VPS41: variants seen among roughly 807,000 people sequenced by gnomAD.
The protein encoded by VPS41 is VPS41 subunit of HOPS complex.
In VPS41, 85 loss-of-function variants were observed where a neutral mutation model predicts 130.9. The observed-to-expected ratio is 0.65, with a 90% CI of 0.55 to 0.78. VPS41 has a LOEUF of 0.78. Ranked by LOEUF, VPS41 falls within the 30% of genes least tolerant of loss-of-function variation. VPS41 has a pLI of 0.00. For synonymous variants in VPS41, 335 were observed against 332.9 expected, an observed-to-expected ratio of 1.01 and a Z score of -0.07; for missense variants, 874 against 1,018.7, an observed-to-expected ratio of 0.86 and a Z score of 1.93.
chr7:38,733,285 G>C (rs1007732489), intron 25 of VPS41, among the ~76,000 whole-genome samples: 3 of 152,138 alleles, frequency 2.0e-5, no homozygotes. Flanking sequence ...TATTTTCCTA[G>C]AAAATTGTAC....
intron 5 of VPS41, among the ~76,000 whole-genome samples, chr7:38,825,597 T>C (rs1426323081): frequency 6.6e-6 from 1 of 152,058 alleles, no homozygotes; most frequent in Admixed American, 6.5e-5. Context: ...TTGAAAACGG[T>C]ATCTCCTGTA....
chr7:38,877,967 T>C (rs958127099), intron 2 of VPS41, among the ~76,000 whole-genome samples: 1 of 152,298 alleles, frequency 6.6e-6, no homozygotes. Flanking sequence ...GAAGGAGAAC[T>C]ATGCTTGCAG....
chr7:38,876,012 G>A (rs755425579), intron 2 of VPS41, among the ~76,000 whole-genome samples: 15 of 152,176 alleles, frequency 9.9e-5, no homozygotes, highest in Non-Finnish European at 1.8e-4. Flanking sequence ...GGTTAAATGA[G>A]TAGTTCTCAG....
chr7:38,728,697 A>G lies in VPS41; in HGVS notation c.2354T>C (p.Val785Ala), dbSNP rs756807119. The change falls in exon 26 of 29, where the codon GTT becomes GCT. Residue 785 changes from valine to alanine, a missense_variant. Val to Ala is a moderately conservative substitution (Grantham distance 64). Coordinates refer to ENST00000310301, the MANE Select transcript of VPS41 (RefSeq NM_014396.4). Reference protein sequence around the residue: ...MHRTQMKGVLVDEENICESCL... With the variant: ...MHRTQMKGVLADEENICESCL... Reference sequence around the variant, plus strand: ...ATTATTTCAATTTTACCCACCATCAACAAGAACACCTTTCATTTGAGTTCG... The same window carrying G: ...ATTATTTCAATTTTACCCACCATCAGCAAGAACACCTTTCATTTGAGTTCG... The G allele has an allele frequency of 6.2e-7, 1 of 1,614,136 alleles. No homozygotes were observed. The highest frequency in any genetic ancestry group is 8.5e-7 in the Non-Finnish European group (1 of 1,180,004).
chr7:38,846,177 G>T (rs1037192699), intron 4 of VPS41, among the ~76,000 whole-genome samples: 4 of 152,202 alleles, frequency 2.6e-5, no homozygotes, highest in African/African-American at 9.6e-5. Context: ...AGGTGTTTGT[G>T]TAGAGTCTGT....
chr7:38,866,524 G>A (rs1262918148), intron 3 of VPS41, among the ~76,000 whole-genome samples: 2 of 152,068 alleles, frequency 1.3e-5, no homozygotes, highest in African/African-American at 4.8e-5. Context: ...CCACCAAATG[G>A]GATAAAGAAC....
intron 2 of VPS41, among the ~76,000 whole-genome samples, chr7:38,872,265 G>C (rs971658760): frequency 2.6e-5 from 4 of 152,182 alleles, no homozygotes; most frequent in Non-Finnish European, 5.9e-5. Flanking sequence ...CCCTGTGGAG[G>C]GGTCCACGAA....
intron 16 of VPS41, among the ~76,000 whole-genome samples, chr7:38,764,692 T>C (rs1783995357): frequency 6.6e-6 from 1 of 152,142 alleles, no homozygotes; most frequent in Non-Finnish European, 1.5e-5. Context: ...TCAAGAACAG[T>C]GGCTTTGAGC....
Position 38,765,649 on chromosome 7 carries a change from T to C in VPS41, c.1260A>G (p.Lys420=). The change falls in exon 16 of 29, where the codon AAA becomes AAG. Residue 420 remains lysine (K), a synonymous_variant. Transcript: ENST00000310301. ...DYDIAARKCQ[K]ILGKNAALWE... is the part of the protein sequence containing the mutation. ...AGAGTGCTGCATTTTTCCCAAGAAT[T>C]TTCTGGCATTTGCTGGCAGTAAAAA... is the stretch of plus-strand genomic sequence containing the variant. 1 of 1,598,688 alleles carries C rather than the reference T, an allele frequency of 6.3e-7. No individual in the cohort carries two copies.
At position 38,774,251 on chromosome 7, in the gene VPS41, G is replaced by T. The variant is rs758233557; in HGVS notation, c.883-7C>A. 1.2e-5 allele frequency: 19 copies of T among 1,556,744 alleles called. No homozygotes were observed. The African/African-American group carries it at 2.3e-4, about 19-fold the overall frequency. ...TGGCACAGTATTCTCTTTCCTAGTG[G>T]GGGAAAAGAGAGAAACATTAATTTA... On this transcript the variant is annotated splice_region_variant and splice_polypyrimidine_tract_variant and intron_variant, in intron 11 of 28. Coordinates refer to ENST00000310301, the MANE Select transcript of VPS41 (RefSeq NM_014396.4).
intron 25 of VPS41, among the ~76,000 whole-genome samples, chr7:38,735,497 CTCTG>C (rs1339047188): frequency 2.6e-5 from 4 of 151,758 alleles, no homozygotes; most frequent in African/African-American, 9.7e-5. Context: ...ATGTGTGTGT[CTCTG>C]TGTGTGTACA....
At position 38,726,228 on chromosome 7, in the gene VPS41, C is replaced by T. The variant is rs200717104; in HGVS notation, c.*18G>A. On this transcript the variant is annotated 3_prime_UTR_variant, in exon 29 of 29. Coordinates refer to ENST00000310301, the MANE Select transcript of VPS41 (RefSeq NM_014396.4). ...CTCAAAAAGAGTGGTGACAAGGAGA[C>T]TGACAAGGAGAAATGAGCTATTTTT... 1.4e-4 allele frequency: 224 copies of T among 1,587,862 alleles called. 1 individual carries two copies. The highest frequency in any genetic ancestry group is 1.4e-3 in the Admixed American group (82 of 59,962).
intron 2 of VPS41, among the ~76,000 whole-genome samples, chr7:38,893,078 C>G (rs1022819035): frequency 6.6e-6 from 1 of 152,172 alleles, no homozygotes; most frequent in Admixed American, 6.5e-5. Flanking sequence ...TCCCTACTCT[C>G]AACAATCAAA....
chr7:38,856,022 G>GA (rs1258769628), intron 4 of VPS41, among the ~76,000 whole-genome samples: 1 of 152,168 alleles, frequency 6.6e-6, no homozygotes, highest in Non-Finnish European at 1.5e-5. Context: ...CTGGTTTGCA[G>GA]ACAGCCTTCC....
chr7:38,844,882 G>T (rs1027208232), intron 4 of VPS41, among the ~76,000 whole-genome samples: 2 of 152,218 alleles, frequency 1.3e-5, no homozygotes, highest in East Asian at 3.9e-4. Context: ...CAACAGCCCC[G>T]TGTGCATGGC....
intron 5 of VPS41, among the ~76,000 whole-genome samples, chr7:38,823,803 G>A (rs765673450): frequency 9.2e-5 from 14 of 152,166 alleles, no homozygotes; most frequent in Non-Finnish European, 1.3e-4. Context: ...GCCTTGAAAT[G>A]TATTCTTCAC....
rs746009455 is a variant in VPS41 at position 38,754,968 on chromosome 7, A to C, written c.1696-32T>G. 14 of 1,606,692 alleles carry C rather than the reference A, an allele frequency of 8.7e-6. No homozygotes were observed. The East Asian group carries it at 2.9e-4, about 33-fold the overall frequency. On this transcript the variant is annotated intron_variant, in intron 19 of 28. Coordinates refer to ENST00000310301, the MANE Select transcript of VPS41 (RefSeq NM_014396.4). ...CATATAAGAAAAGCCACAGTCAATG[A>C]AATCCGTTATTTAAGAAGAGAAGAC...
At chr7:38,894,618 C>T (rs1786942163) in intron 2 of VPS41, among the ~76,000 whole-genome samples, 1 of 152,100 alleles carries the variant, frequency 6.6e-6, no homozygotes, top group Non-Finnish European at 1.5e-5. Context: ...GAACATTAAT[C>T]GTATCTATCT....
chr7:38,726,519 ACCC>A (rs1467664278), intron 28 of VPS41, among the ~76,000 whole-genome samples, 193 bp from the exon 29 acceptor site: 5 of 152,178 alleles, frequency 3.3e-5, no homozygotes, highest in African/African-American at 1.2e-4. Context: ...CTCCAAGGAC[ACCC>A]AACAGCAGAA....
Sources: allele counts gnomAD v4.1 joint callset (sites outside exome capture counted in the v4.1 genomes callset), GRCh38; gene constraint gnomAD v4.1.1; transcripts MANE v1.5; gene names NCBI Gene and HGNC (gene_info 2026-07-23, HGNC 2026-07-21).